Variants in CAPZB observed in about 807,000 individuals in gnomAD.
The protein encoded by CAPZB is capping actin protein of muscle Z-line subunit beta.
CAPZB carries 2 observed loss-of-function variants against 38.1 expected under a neutral mutation model. The ratio of observed to expected loss-of-function variants is 0.05; its 90% CI spans 0.02 to 0.17. The LOEUF is 0.17. CAPZB is among the 10% of genes least tolerant of loss of function. The pLI is 1.00. For synonymous variants in CAPZB, 107 were observed against 127.4 expected (o/e 0.84, Z 1.08); for missense variants, 161 against 334.2 (o/e 0.48, Z 4.04).
intron 6 of CAPZB, among the ~76,000 whole-genome samples, chr1:19,347,104 G>A (rs183555813): frequency 6.6e-6 from 1 of 151,954 alleles, no homozygotes. Context: ...GCCTCCCGAA[G>A]TGCTGGGATT....
intron 4 of CAPZB, among the ~76,000 whole-genome samples, chr1:19,359,197 A>C: frequency 6.8e-6 from 1 of 146,750 alleles, no homozygotes; most frequent in East Asian, 2.0e-4. Context: ...GGTATACAAG[A>C]ATTCTCTGTA....
intron 6 of CAPZB, among the ~76,000 whole-genome samples, chr1:19,355,878 T>C (rs2094018269): frequency 6.6e-6 from 1 of 152,156 alleles, no homozygotes; most frequent in East Asian, 1.9e-4. Context: ...CATGGACCTT[T>C]ATACAAGGTT....
At chr1:19,398,661 G>A (rs2094286083) in intron 2 of CAPZB, among the ~76,000 whole-genome samples, 1 of 152,022 alleles carries the variant, frequency 6.6e-6, no homozygotes, top group Non-Finnish European at 1.5e-5. Context: ...AGGTTTTGCT[G>A]TAATTTCACT....
At chr1:19,346,452 T>TAAAAAAAAAA (rs200968507) in intron 6 of CAPZB, among the ~76,000 whole-genome samples, 1 of 73,252 alleles carries the variant, frequency 1.4e-5, no homozygotes. Flanking sequence ...TGAGAGAAGC[T>TAAAAAAAAAA]AAAAAAAAAA....
chr1:19,368,662 CTTTTTTTT>C (rs55649494), intron 4 of CAPZB, among the ~76,000 whole-genome samples: 1 of 132,390 alleles, frequency 7.6e-6, no homozygotes, highest in Non-Finnish European at 1.6e-5. Flanking sequence ...GCAAGAATGC[CTTTTTTTT>C]TTTTTTTTTT....
At chr1:19,467,829 CT>C (rs1411909583) in intron 1 of CAPZB, among the ~76,000 whole-genome samples, 1 of 152,222 alleles carries the variant, frequency 6.6e-6, no homozygotes, top group Non-Finnish European at 1.5e-5. Flanking sequence ...CCTCATTATG[CT>C]TCCCCGACAT....
At chr1:19,469,589 CTG>C (rs1386486769) in intron 1 of CAPZB, among the ~76,000 whole-genome samples, 2 of 152,036 alleles carry the variant, frequency 1.3e-5, no homozygotes, top group East Asian at 3.9e-4. Context: ...TCAGAGGGCT[CTG>C]GGGACAGGCA....
intron 1 of CAPZB, among the ~76,000 whole-genome samples, chr1:19,451,687 A>C (rs2094516599): frequency 6.6e-6 from 1 of 152,040 alleles, no homozygotes; most frequent in Non-Finnish European, 1.5e-5. Flanking sequence ...GGCTAGGACC[A>C]GGGGGTGATC....
At chr1:19,346,632 T>C (rs927931335) in intron 6 of CAPZB, among the ~76,000 whole-genome samples, 1 of 151,752 alleles carries the variant, frequency 6.6e-6, no homozygotes, top group African/African-American at 2.4e-5. Context: ...TATTTCTACA[T>C]CTCCTCATCA....
chr1:19,390,584 C>T (rs1023718742), intron 2 of CAPZB, among the ~76,000 whole-genome samples: 6 of 152,210 alleles, frequency 3.9e-5, no homozygotes, highest in Non-Finnish European at 7.3e-5. Context: ...AGTTCCTCTG[C>T]TGCCACAGGA....
chr1:19,484,208 A>G (rs781558836), intron 1 of CAPZB: 1 of 1,612,408 alleles, frequency 6.2e-7, no homozygotes, highest in African/African-American at 1.3e-5. Flanking sequence ...AGGGACTTCC[A>G]TAATCAGCAG....
At chr1:19,427,592 G>A (rs956384650) in intron 1 of CAPZB, among the ~76,000 whole-genome samples, 3 of 152,200 alleles carry the variant, frequency 2.0e-5, no homozygotes, top group South Asian at 2.1e-4. Flanking sequence ...CGGCCCAGCC[G>A]ACCACTCATC....
chr1:19,484,316 G>A, intron 1 of CAPZB: 1 of 1,594,210 alleles, frequency 6.3e-7, no homozygotes, highest in Non-Finnish European at 8.5e-7. Flanking sequence ...GGGCCTGGTG[G>A]CCCCCCAAGG....
chr1:19,345,298 C>T (rs1261731198), intron 6 of CAPZB, 46 bp from the exon 7 acceptor site: 2 of 1,513,852 alleles, frequency 1.3e-6, no homozygotes, highest in East Asian at 4.5e-5. Flanking sequence ...CCAGAGATTT[C>T]TGAGAACGGC....
At chr1:19,459,608 G>A (rs1417446380) in intron 1 of CAPZB, among the ~76,000 whole-genome samples, 5 of 152,078 alleles carry the variant, frequency 3.3e-5, no homozygotes, top group Non-Finnish European at 5.9e-5. Flanking sequence ...ACTGTGGGCC[G>A]GGCACTGTGC....
chr1:19,401,478 GAC>G (rs1234888449), intron 2 of CAPZB, among the ~76,000 whole-genome samples: 2 of 151,552 alleles, frequency 1.3e-5, no homozygotes, highest in Non-Finnish European at 3.0e-5. Context: ...AATTTTGCCT[GAC>G]ACTCTTGCTG....
chr1:19,436,368 G>C (rs1173681302), intron 1 of CAPZB, among the ~76,000 whole-genome samples: 1 of 152,176 alleles, frequency 6.6e-6, no homozygotes, highest in Admixed American at 6.5e-5. Context: ...TTGCGTTCAA[G>C]TTACCCTTAT....
rs10917416 is a variant in CAPZB, at chr1:19,353,550, C to A, written c.588+3085G>T. Reference sequence around the variant, plus strand: ...CTTCACTGACCTCTCTGCTGCAGGGCTGTCCCCTCTGACCCTCCCAGGGCT... The same window carrying A: ...CTTCACTGACCTCTCTGCTGCAGGGATGTCCCCTCTGACCCTCCCAGGGCT... On this transcript the variant is annotated intron_variant, in intron 6 of 8. Coordinates refer to ENST00000264202, the MANE Select transcript of CAPZB (RefSeq NM_004930.5). 6.2e-3 allele frequency among the ~76,000 whole-genome samples: 941 copies of A among 152,242 alleles called. 13 individuals carry two copies. The highest frequency in any genetic ancestry group is 0.022 in the African/African-American group (903 of 41,522).
intron 3 of CAPZB, among the ~76,000 whole-genome samples, chr1:19,383,800 C>T (rs1174117257): frequency 3.9e-5 from 6 of 152,122 alleles, no homozygotes; most frequent in African/African-American, 7.2e-5. Context: ...ATGCCTGCTC[C>T]TCCCCGAGTC....
Sources: allele counts gnomAD v4.1 joint callset (sites outside exome capture counted in the v4.1 genomes callset), GRCh38; gene constraint gnomAD v4.1.1; transcripts MANE v1.5; gene names NCBI Gene and HGNC (gene_info 2026-07-23, HGNC 2026-07-21).